Variants in KLHL1 observed in about 807,000 individuals in gnomAD.
KLHL1 encodes the protein kelch like family member 1.
KLHL1 carries 47 observed loss-of-function variants against 77.7 expected under a neutral mutation model. The observed-to-expected ratio is 0.60, with a 90% CI of 0.48 to 0.77. The LOEUF is 0.77. KLHL1 is among the 30% of genes least tolerant of loss of function. The pLI, the probability that KLHL1 is intolerant of heterozygous loss-of-function variation, is 0.00. For synonymous variants in KLHL1, 360 were observed against 325.2 expected (o/e 1.11, Z -1.15); for missense variants, 925 against 910.8 (o/e 1.02, Z -0.20).
chr13:69,956,440 C>A lies in KLHL1; in HGVS notation c.817+4868G>T, dbSNP rs571714695. 6.0e-5 allele frequency among the ~76,000 whole-genome samples: 9 copies of A among 151,230 alleles called. No individual in the cohort carries two copies. In the East Asian group the frequency reaches 1.6e-3, roughly 26 times the overall value. On this transcript the variant is annotated intron_variant, in intron 3 of 10. Transcript: ENST00000377844. ...AGGCACCATTGACACCTAAAGGGAA[C>A]CAGCATTAGATGGGGAGAAACTATG...
intron 1 of KLHL1, among the ~76,000 whole-genome samples, chr13:70,035,401 G>A (rs968617223): frequency 6.6e-5 from 10 of 152,120 alleles, no homozygotes; most frequent in Non-Finnish European, 1.3e-4. Context: ...AAAACATGAG[G>A]ATAGAGAGTA....
At chr13:70,044,842 A>G (rs1335966242) in intron 1 of KLHL1, among the ~76,000 whole-genome samples, 1 of 152,194 alleles carries the variant, frequency 6.6e-6, no homozygotes, top group Non-Finnish European at 1.5e-5. Flanking sequence ...AACACAGCTT[A>G]TCTGTCAGTT....
At chr13:69,721,914 G>A (rs1873083477) in intron 8 of KLHL1, among the ~76,000 whole-genome samples, 1 of 152,014 alleles carries the variant, frequency 6.6e-6, no homozygotes, top group Non-Finnish European at 1.5e-5. Context: ...AAAGCACCCA[G>A]AAGTGAAATA....
chr13:70,095,985 G>C (rs539094123), intron 1 of KLHL1, among the ~76,000 whole-genome samples: 115 of 151,936 alleles, frequency 7.6e-4, no homozygotes, highest in African/African-American at 2.7e-3. Flanking sequence ...CTAACATAAG[G>C]CCATCCAGTT....
chr13:69,795,853 T>C (rs565177577), intron 7 of KLHL1, among the ~76,000 whole-genome samples: 3 of 152,302 alleles, frequency 2.0e-5, no homozygotes, highest in African/African-American at 7.2e-5. Flanking sequence ...AGCGAATGTG[T>C]TGCTCTTTCT....
rs747171450 is a variant in KLHL1 at position 69,975,789 on chromosome 13, C to A, written c.511G>T (p.Gly171Cys). 6.2e-7 allele frequency: 1 copy of A among 1,607,262 alleles called. No homozygotes were observed. The highest frequency in any genetic ancestry group is 8.5e-7 in the Non-Finnish European group (1 of 1,177,870). ...EGCGHRLSST[G>C]HSMTPQSDLD... ...TCACTTTGAGGTGTCATTGAATGGC[C>A]GGTTGATGACAGCCTATAAACCACA... Residue 171 changes from glycine (G) to cysteine (C), a missense_variant, in exon 2 of 11, where the codon GGC becomes TGC. Physicochemically the swap from Gly to Cys is radical, Grantham distance 159. Transcript: ENST00000377844.
chr13:69,988,356 G>A (rs1884932953), intron 1 of KLHL1, among the ~76,000 whole-genome samples: 1 of 152,064 alleles, frequency 6.6e-6, no homozygotes, highest in Non-Finnish European at 1.5e-5. Flanking sequence ...TCTTTATCCA[G>A]CCTATGGTTG....
intron 7 of KLHL1, among the ~76,000 whole-genome samples, chr13:69,786,269 G>A (rs575979576): frequency 6.6e-6 from 1 of 152,242 alleles, no homozygotes; most frequent in Non-Finnish European, 1.5e-5. Context: ...TAAAATACTG[G>A]CAAACCAAAT....
chr13:69,759,970 C>T (rs1874942703), intron 7 of KLHL1, among the ~76,000 whole-genome samples: 1 of 152,074 alleles, frequency 6.6e-6, no homozygotes, highest in Admixed American at 6.6e-5. Context: ...GTGACTCAAA[C>T]CCTCCTCTCT....
At chr13:69,753,852 T>A (rs1874591044) in intron 7 of KLHL1, among the ~76,000 whole-genome samples, 1 of 151,502 alleles carries the variant, frequency 6.6e-6, no homozygotes, top group Non-Finnish European at 1.5e-5. Flanking sequence ...AAAAAAAAAA[T>A]TTTGAGACCA....
intron 9 of KLHL1, among the ~76,000 whole-genome samples, chr13:69,708,674 A>G (rs1008168793): frequency 6.6e-6 from 1 of 152,048 alleles, no homozygotes; most frequent in African/African-American, 2.4e-5. Context: ...AATATTTTAT[A>G]TTTTGAGTAG....
At chr13:69,882,153 CT>C in intron 5 of KLHL1, 129 bp downstream of exon 5, 1 of 668,508 alleles carries the variant, frequency 1.5e-6, no homozygotes, top group South Asian at 2.0e-5. Flanking sequence ...TCAAATTTAA[CT>C]TAAAAGTAGT....
At chr13:69,891,888 A>G (rs1381067423) in intron 4 of KLHL1, among the ~76,000 whole-genome samples, 1 of 151,948 alleles carries the variant, frequency 6.6e-6, no homozygotes, top group African/African-American at 2.4e-5. Flanking sequence ...TATAGAAATA[A>G]TTTATAAATT....
chr13:69,813,247 TCTCA>T (rs1318532003), intron 6 of KLHL1, among the ~76,000 whole-genome samples: 1 of 151,534 alleles, frequency 6.6e-6, no homozygotes, highest in East Asian at 2.0e-4. Context: ...CACCGCATGT[TCTCA>T]CTCATAGGTG....
intron 7 of KLHL1, among the ~76,000 whole-genome samples, chr13:69,775,693 G>T (rs1397715100): frequency 6.6e-6 from 1 of 150,700 alleles, no homozygotes; most frequent in Non-Finnish European, 1.5e-5. Context: ...ATGCCTAAGG[G>T]TTTTTTTTTG....
chr13:69,747,600 T>C (rs1470686153), intron 7 of KLHL1, among the ~76,000 whole-genome samples: 1 of 151,942 alleles, frequency 6.6e-6, no homozygotes, highest in African/African-American at 2.4e-5. Flanking sequence ...AGGAAATTCA[T>C]GAAAGAGAAT....
At chr13:69,711,786 T>C (rs996908488) in intron 9 of KLHL1, among the ~76,000 whole-genome samples, 1 of 152,068 alleles carries the variant, frequency 6.6e-6, no homozygotes, top group Non-Finnish European at 1.5e-5. Context: ...ACAATTGGTA[T>C]TACAAAGAGG....
intron 1 of KLHL1, among the ~76,000 whole-genome samples, chr13:70,086,277 G>C (rs796741882): frequency 2.5e-4 from 34 of 136,236 alleles, no homozygotes; most frequent in African/African-American, 8.6e-4. Flanking sequence ...TAAATAAAAA[G>C]TTTCAAAAAA....
At chr13:70,007,389 C>T (rs1040530396) in intron 1 of KLHL1, among the ~76,000 whole-genome samples, 1 of 151,362 alleles carries the variant, frequency 6.6e-6, no homozygotes, top group Non-Finnish European at 1.5e-5. Context: ...TATATTGATA[C>T]ACATTATTAT....
Sources: gnomAD v4.1 joint callset for allele counts (sites outside exome capture counted in the v4.1 genomes callset) on GRCh38, gnomAD v4.1.1 for gene constraint, MANE v1.5 for transcripts, NCBI Gene and HGNC (gene_info 2026-07-23, HGNC 2026-07-21) for gene names.